The following KRT5 variants were observed in gnomAD, a reference collection of about 807,000 sequenced individuals.
The protein encoded by KRT5 is keratin 5, also known as keratin, type II cytoskeletal 5.
KRT5 carries 17 observed loss-of-function variants against 44.0 expected under a neutral mutation model. The ratio of observed to expected loss-of-function variants is 0.39; its 90% CI spans 0.26 to 0.58. The LOEUF (loss-of-function observed/expected upper bound fraction) is 0.58, where lower values mean the gene tolerates loss of function less well. Among genes scored for constraint, KRT5 ranks in the 20% least tolerant of loss-of-function variants. KRT5 has a pLI of 0.61. For synonymous variants in KRT5, 329 were observed against 312.8 expected (o/e 1.05, Z -0.55); for missense variants, 737 against 785.5 (o/e 0.94, Z 0.74).
Position 52,514,709 on chromosome 12 carries a change from C to A in KRT5, c.*233G>T. ...TTTGGGTTCTCGTGTCAGCAGGGGC[C>A]ATGCTGTGGGAAACCTGAAGGCTGA... On this transcript the variant is annotated 3_prime_UTR_variant, in exon 9 of 9. Transcript: ENST00000252242. 2 of 550,716 alleles carry A rather than the reference C, an allele frequency of 3.6e-6. No individual in the cohort carries two copies. The highest frequency in any genetic ancestry group is 5.4e-5 in the South Asian group (2 of 36,898). 34.1% of individuals were successfully genotyped at this position (550,716 alleles called of 1,614,324 possible). A position where few individuals can be genotyped will look rare whatever the true frequency, so the allele number is the denominator to read the frequency against.
At chr12:52,519,444 T>C in intron 1 of KRT5, 1 of 629,080 alleles carries the variant, frequency 1.6e-6, no homozygotes, top group South Asian at 1.9e-5. Context: ...CCCATGCACT[T>C]GTCTACCTTC....
Position 52,519,072 on chromosome 12 carries a change from A to G in KRT5, c.644T>C (p.Leu215Pro), listed in dbSNP as rs1592194900. The change falls in exon 2 of 9, where the codon CTG becomes CCG. Residue 215 changes from leucine (L) to proline (P), a missense_variant. Physicochemically the swap from Leu to Pro is moderately conservative, Grantham distance 98 (BLOSUM62 -3). Around this residue, in one of 5 missense-constraint regions of KRT5, gnomAD observed 326 missense variants for 333.1 expected, o/e 0.98. Coordinates refer to ENST00000252242, the MANE Select transcript of KRT5 (RefSeq NM_000424.4). ...GATGTACTGCTCGAACAACGGCTCCAGGTTCTGCCTCACAGTCTTGGTGCC... is the reference window on the plus strand; with the variant it reads ...GATGTACTGCTCGAACAACGGCTCCGGGTTCTGCCTCACAGTCTTGGTGCC... ...EQGTKTVRQN[L>P]EPLFEQYINN... 6.2e-7 allele frequency: 1 copy of G among 1,614,092 alleles called. No homozygotes were observed. The highest frequency in any genetic ancestry group is 1.1e-5 in the South Asian group (1 of 91,090).
At chr12:52,518,291 G>A (rs1938648994) in intron 2 of KRT5, 128 bp from the exon 3 acceptor site, 4 of 851,016 alleles carry the variant, frequency 4.7e-6, no homozygotes, top group Non-Finnish European at 8.1e-6. Context: ...CAGAGAGGGA[G>A]GGGACACTGG....
At position 52,517,670 on chromosome 12, in the gene KRT5, T is replaced by G. The variant is rs1938633782; in HGVS notation, c.1012A>C (p.Ile338Leu). 6.2e-7 allele frequency: 1 copy of G among 1,614,210 alleles called. No homozygotes were observed. Among genetic ancestry groups the G allele is most frequent in the Non-Finnish European group, 8.5e-7 (1 of 1,180,034 alleles). The change falls in exon 5 of 9, where the codon ATC (isoleucine) becomes CTC (leucine). Residue 338 changes from isoleucine (I) to leucine (L), a missense_variant. By Grantham distance (5) the Ile-to-Leu change is conservative (BLOSUM62 2). Transcript: ENST00000252242. ...TACTGGGCCTTGACCTCAGCGATGATGCTATCCAGGTCCAGGTTGCGGTTG... is the reference window on the plus strand; with the variant it reads ...TACTGGGCCTTGACCTCAGCGATGAGGCTATCCAGGTCCAGGTTGCGGTTG... Reference protein sequence around the residue: ...DNNRNLDLDSIIAEVKAQYEE... With the variant: ...DNNRNLDLDSLIAEVKAQYEE...
At position 52,516,861 on chromosome 12, in the gene KRT5, C is replaced by G. The variant is rs902181880; in HGVS notation, c.1219-4G>C. The stretch of plus-strand genomic sequence containing the variant: ...TGGCGTTCTGCAGATTGGCGCACTA[C>G]AGATAGAAAGGAGGAGAGTGGGGTT... On this transcript the variant is annotated splice_polypyrimidine_tract_variant and splice_region_variant and intron_variant, in intron 6 of 8. Coordinates refer to ENST00000252242, the MANE Select transcript of KRT5 (RefSeq NM_000424.4). The G allele has an allele frequency of 1.2e-6, 2 of 1,614,152 alleles. No homozygotes were observed. Among genetic ancestry groups the G allele is most frequent in the Admixed American group, 3.3e-5 (2 of 60,024 alleles).
At chr12:52,515,652 C>T in intron 8 of KRT5, 146 bp downstream of exon 8, 3 of 749,550 alleles carry the variant, frequency 4.0e-6, no homozygotes, top group Non-Finnish European at 7.1e-6. Flanking sequence ...TTCCCCTCCA[C>T]CACCCACAAC....
In KRT5 at chr12:52,518,941, C is replaced by G; in HGVS notation, c.770+5G>C. 1 of 1,614,234 alleles carries G rather than the reference C, an allele frequency of 6.2e-7. No individual in the cohort carries two copies. Among genetic ancestry groups the G allele is most frequent in the Non-Finnish European group, 8.5e-7 (1 of 1,180,042 alleles). On this transcript the variant is annotated splice_donor_5th_base_variant and intron_variant, in intron 2 of 8. Coordinates refer to ENST00000252242, the MANE Select transcript of KRT5 (RefSeq NM_000424.4). ...CCCCTGTGTCCACCCTCCACCCCAACTCACTTGTTCTTGAAGTCTTCCACC... is the reference window on the plus strand; with the variant it reads ...CCCCTGTGTCCACCCTCCACCCCAAGTCACTTGTTCTTGAAGTCTTCCACC...
At chr12:52,517,847 C>T (rs1938638338) in intron 4 of KRT5, 50 bp downstream of exon 4, 2 of 1,609,718 alleles carry the variant, frequency 1.2e-6, no homozygotes, top group East Asian at 4.5e-5. Context: ...GATATGACAA[C>T]TTGAGGAAAA....
chr12:52,516,590 T>C, intron 7 of KRT5, 47 bp downstream of exon 7: 1 of 1,580,276 alleles, frequency 6.3e-7, no homozygotes, highest in Non-Finnish European at 8.7e-7. Flanking sequence ...TAGAGCAGCT[T>C]CGCTTTATCA....
chr12:52,515,106 T>G lies in KRT5; in HGVS notation c.1609A>C (p.Ser537Arg), dbSNP rs751150862. 1 of 1,560,118 alleles carries G rather than the reference T, an allele frequency of 6.4e-7. No individual in the cohort carries two copies. The highest frequency in any genetic ancestry group is 8.7e-7 in the Non-Finnish European group (1 of 1,150,832). Residue 537 changes from serine (S) to arginine (R), a missense_variant, in exon 9 of 9, where the codon AGT becomes CGT. Transcript: ENST00000252242. ...GSSGSYYSSS[S>R]GGVGLGGGLS... is the part of the protein sequence containing the mutation. Reference sequence around the variant, plus strand: ...CCACCACCTAGGCCGACACCCCCACTGCTGCTGGAGTAGTAGCTTCCACTG... The same window carrying G: ...CCACCACCTAGGCCGACACCCCCACGGCTGCTGGAGTAGTAGCTTCCACTG...
chr12:52,518,977 T>C lies in KRT5; in HGVS notation c.739A>G (p.Met247Val). The C allele has an allele frequency of 6.2e-7, 1 of 1,614,232 alleles. No individual in the cohort carries two copies. The highest frequency in any genetic ancestry group is 1.7e-5 in the Admixed American group (1 of 60,022). Residue 247 changes from methionine (M) to valine (V), a missense_variant, in exon 2 of 9, where the codon ATG becomes GTG. By Grantham distance (21) the Met-to-Val change is conservative. This residue lies in a region of KRT5 where 326 missense variants were observed against 333.1 expected (regional missense o/e 0.98). Transcript: ENST00000252242. ...TTGAAGTCTTCCACCAGGTCCTGCA[T>C]GTTTCTCAGCTCTGAGTCCAGGCGG... ...RGRLDSELRN[M>V]QDLVEDFKNK...
intron 2 of KRT5, 85 bp downstream of exon 2, chr12:52,518,861 G>A: frequency 6.6e-7 from 1 of 1,519,194 alleles, no homozygotes; most frequent in Non-Finnish European, 9.1e-7. Flanking sequence ...CCCAAAGGAA[G>A]GCATGGTAGT....
At chr12:52,518,255 A>T in intron 2 of KRT5, 92 bp from the exon 3 acceptor site, 1 of 1,234,708 alleles carries the variant, frequency 8.1e-7, no homozygotes, top group South Asian at 1.2e-5. Flanking sequence ...CTACTTTTGC[A>T]GTGGGAAGGG....
intron 7 of KRT5, 49 bp downstream of exon 7, chr12:52,516,588 C>T (rs377131533): frequency 5.7e-6 from 9 of 1,574,766 alleles, no homozygotes; most frequent in Non-Finnish European, 7.9e-6. Flanking sequence ...AGTAGAGCAG[C>T]TTCGCTTTAT....
chr12:52,515,344 T>C, intron 8 of KRT5, 104 bp from the exon 9 acceptor site: 3 of 1,505,548 alleles, frequency 2.0e-6, no homozygotes, highest in Non-Finnish European at 2.7e-6. Flanking sequence ...CTGGACCCCC[T>C]TTACAGAGTA....
rs1456741479 is a variant in KRT5 at position 52,515,812 on chromosome 12, C to G, written c.1460G>C (p.Gly487Ala). 1 of 1,613,292 alleles carries G rather than the reference C, an allele frequency of 6.2e-7. No individual in the cohort carries two copies. Among genetic ancestry groups the G allele is most frequent in the Admixed American group, 1.7e-5 (1 of 60,026 alleles). The change falls in exon 8 of 9, where the codon GGA becomes GCA. Residue 487 changes from glycine (G) to alanine (A), a missense_variant. Around this residue, in one of 5 missense-constraint regions of KRT5, gnomAD observed 344 missense variants for 351.6 expected, o/e 0.98. Coordinates refer to ENST00000252242, the MANE Select transcript of KRT5 (RefSeq NM_000424.4). ...EECRLSGEGV[G>A]PVNISVVTSS... Reference sequence around the variant, plus strand: ...AAGCTACTTACAGATGTTGACTGGTCCAACTCCTTCTCCACTGAGTCTGAA... The same window carrying G: ...AAGCTACTTACAGATGTTGACTGGTGCAACTCCTTCTCCACTGAGTCTGAA...
Position 52,514,758 on chromosome 12 carries a change from G to A in KRT5, c.*184C>T, listed in dbSNP as rs1336071126. 27 of 619,160 alleles carry A rather than the reference G, an allele frequency of 4.4e-5. No individual in the cohort carries two copies. The highest frequency in any genetic ancestry group is 6.0e-5 in the Non-Finnish European group (21 of 350,860). 38.4% of individuals were successfully genotyped at this position (619,160 alleles called of 1,614,324 possible). On this transcript the variant is annotated 3_prime_UTR_variant, in exon 9 of 9. Coordinates refer to ENST00000252242, the MANE Select transcript of KRT5 (RefSeq NM_000424.4). ...GATTTGAAGCAGAATATAGAACTGC[G>A]GCACGGGAGACCAGGGGCTGGGAAT...
At chr12:52,515,714 G>T (rs1204053240) in intron 8 of KRT5, 84 bp downstream of exon 8, 2 of 1,125,232 alleles carry the variant, frequency 1.8e-6, no homozygotes, top group Non-Finnish European at 2.7e-6. Context: ...GAAAAGTTTG[G>T]ATCTAGAAAC....
rs1938631327 is a variant in KRT5 at position 52,517,604 on chromosome 12, A to G, written c.1078T>C (p.Trp360Arg). The change falls in exon 5 of 9, where the codon TGG (tryptophan) becomes CGG (arginine). Residue 360 changes from tryptophan (W) to arginine (R), a missense_variant. Trp to Arg is a moderately radical substitution (Grantham distance 101, BLOSUM62 -3). This residue lies in a region of KRT5 where 344 missense variants were observed against 351.6 expected (regional missense o/e 0.98). Transcript: ENST00000252242. The stretch of plus-strand genomic sequence containing the variant: ...AGAGCACCCACCTTGGTCTGATACC[A>G]GGACTCGGCTTCTGTCCGGCTGCGG... The part of the protein sequence containing the change: ...ANRSRTEAES[W>R]YQTKYEELQQ... 1 of 1,614,148 alleles carries G rather than the reference A, an allele frequency of 6.2e-7. No individual in the cohort carries two copies. The highest frequency in any genetic ancestry group is 8.5e-7 in the Non-Finnish European group (1 of 1,180,022).
Sources: allele counts gnomAD v4.1 joint callset, GRCh38; gene constraint gnomAD v4.1.1; regional missense constraint gnomAD v4.1.1; transcripts MANE v1.5; gene names NCBI Gene and HGNC (gene_info 2026-07-23, HGNC 2026-07-21).